The following PPA2 variants were observed in gnomAD, a reference collection of about 807,000 sequenced individuals.
PPA2 encodes inorganic pyrophosphatase 2, mitochondrial.
In PPA2, 48 loss-of-function variants were observed where a neutral mutation model predicts 49.5. That is an observed-to-expected ratio of 0.97 (90% confidence interval 0.77 to 1.23). The LOEUF is 1.23. Ranked by LOEUF, PPA2 falls within the 50% of genes most tolerant of loss-of-function variation. The probability of loss-of-function intolerance (pLI) is 0.00; values close to 1 mark genes in which losing one functional copy is unlikely to be tolerated. For missense variants in PPA2, 429 were observed against 410.1 expected, an observed-to-expected ratio of 1.05 and a Z score of -0.40; for synonymous variants, 131 against 139.9, an observed-to-expected ratio of 0.94 and a Z score of 0.45.
At chr4:105,425,239 T>A (rs544680022) in intron 6 of PPA2, among the ~76,000 whole-genome samples, 3 of 152,148 alleles carry the variant, frequency 2.0e-5, no homozygotes, top group African/African-American at 7.2e-5. Context: ...GGGAAAAAAT[T>A]AAAAATCATT....
At chr4:105,468,111 C>T (rs1453999659) in intron 1 of PPA2, among the ~76,000 whole-genome samples, 1 of 152,196 alleles carries the variant, frequency 6.6e-6, no homozygotes, top group Non-Finnish European at 1.5e-5. Context: ...TTTATTGGAA[C>T]ATAACCACAG....
intron 10 of PPA2, among the ~76,000 whole-genome samples, chr4:105,374,937 C>T (rs533704255): frequency 1.3e-5 from 2 of 151,372 alleles, no homozygotes; most frequent in African/African-American, 2.4e-5. Context: ...ATTGATCTAC[C>T]CGCCTCGGTC....
chr4:105,459,001 T>C (rs1349674658), intron 1 of PPA2, among the ~76,000 whole-genome samples: 1 of 152,146 alleles, frequency 6.6e-6, no homozygotes, highest in Non-Finnish European at 1.5e-5. Context: ...TTCTACTGGA[T>C]CTCTAGCATC....
intron 7 of PPA2, among the ~76,000 whole-genome samples, chr4:105,413,636 C>T (rs1722865643): frequency 6.6e-6 from 1 of 152,088 alleles, no homozygotes; most frequent in Non-Finnish European, 1.5e-5. Context: ...AAACAGACTC[C>T]TGTATAATGA....
chr4:105,405,097 GAATA>G (rs1722400262), intron 7 of PPA2: 6 of 498,306 alleles, frequency 1.2e-5, no homozygotes, highest in Non-Finnish European at 1.3e-5. Flanking sequence ...ATAAATAAAT[GAATA>G]AATAAATAAA....
intron 10 of PPA2, among the ~76,000 whole-genome samples, chr4:105,376,479 C>G (rs560439373): frequency 1.4e-4 from 21 of 152,196 alleles, no homozygotes; most frequent in Non-Finnish European, 2.9e-4. Flanking sequence ...ACTATCATCT[C>G]TGAGTCTTGT....
intron 1 of PPA2, among the ~76,000 whole-genome samples, chr4:105,469,365 T>G (rs1396911473): frequency 6.6e-6 from 1 of 152,232 alleles, no homozygotes; most frequent in Admixed American, 6.5e-5. Flanking sequence ...TATGTGATTC[T>G]TTCTCTCACA....
chr4:105,383,346 C>A (rs890266310), intron 10 of PPA2, among the ~76,000 whole-genome samples: 7 of 152,116 alleles, frequency 4.6e-5, no homozygotes, highest in African/African-American at 1.7e-4. Context: ...TATTTTGTTT[C>A]TAAGATGGTT....
chr4:105,471,110 T>A (rs1723505167), intron 1 of PPA2, among the ~76,000 whole-genome samples: 1 of 152,228 alleles, frequency 6.6e-6, no homozygotes, highest in Admixed American at 6.5e-5. Flanking sequence ...TATTAAACCA[T>A]GAAACCCTCT....
rs139771068 is a variant in PPA2 at position 105,380,838 on chromosome 4, GT to G, written c.939+5728del. 4.8e-3 allele frequency among the ~76,000 whole-genome samples: 725 copies of G among 152,180 alleles called. 5 individuals are homozygous for G. Among genetic ancestry groups the G allele is most frequent in the African/African-American group, 0.017 (690 of 41,560 alleles). The stretch of plus-strand genomic sequence containing the variant: ...CACCCAGTCTCTTATCAATAGACAT[GT>G]AATTCAGTTTCTAATTTTTCCATTT... On this transcript the variant is annotated intron_variant, in intron 10 of 11. Coordinates refer to ENST00000341695, the MANE Select transcript of PPA2 (RefSeq NM_176869.3).
intron 2 of PPA2, among the ~76,000 whole-genome samples, chr4:105,455,844 C>T (rs569637472): frequency 6.6e-6 from 1 of 152,304 alleles, no homozygotes; most frequent in Non-Finnish European, 1.5e-5. Flanking sequence ...CTAGAAAACC[C>T]AACCCCAAAT....
chr4:105,445,485 A>AT (rs35887455), intron 5 of PPA2, among the ~76,000 whole-genome samples: 54,279 of 151,486 alleles, frequency 0.36, 11,510 homozygotes, highest in East Asian at 0.67. Flanking sequence ...TTAGAAAACA[A>AT]TTTTTTTTTA....
chr4:105,407,072 C>T (rs1247784713), intron 7 of PPA2: 1 of 146,988 alleles, frequency 6.8e-6, no homozygotes, highest in Non-Finnish European at 1.5e-5. Flanking sequence ...CATGCAAATT[C>T]GTGAAGTGTT....
chr4:105,438,121 A>C, intron 5 of PPA2, 85 bp from the exon 6 acceptor site: 1 of 920,766 alleles, frequency 1.1e-6, no homozygotes, highest in East Asian at 2.7e-5. Flanking sequence ...ACAAAGTTTT[A>C]TAGATAACAA....
chr4:105,405,752 A>G lies in PPA2; in HGVS notation c.656-6588T>C, dbSNP rs1205194604. On this transcript the variant is annotated intron_variant, in intron 7 of 11. Coordinates refer to ENST00000341695, the MANE Select transcript of PPA2 (RefSeq NM_176869.3). The stretch of plus-strand genomic sequence containing the variant: ...TACCTTATAAACAGATTAACATCAA[A>G]AAGACTCAAAAACAAGATAAGTAAC... The G allele has an allele frequency of 1.0e-5, 7 of 669,104 alleles. No homozygotes were observed. The Admixed American group carries it at 1.9e-4, about 18-fold the overall frequency. 41.4% of individuals were successfully genotyped at this position (669,104 alleles called of 1,614,324 possible). A position where few individuals can be genotyped will look rare whatever the true frequency, so the allele number is the denominator to read the frequency against.
chr4:105,395,334 A>T (rs1734093874), intron 9 of PPA2, among the ~76,000 whole-genome samples: 1 of 142,540 alleles, frequency 7.0e-6, no homozygotes, highest in Non-Finnish European at 1.6e-5. Context: ...GTGCTCAGAG[A>T]GCACAGGGAC....
chr4:105,410,804 A>C (rs1001146608), intron 7 of PPA2, among the ~76,000 whole-genome samples: 1 of 152,180 alleles, frequency 6.6e-6, no homozygotes, highest in South Asian at 2.1e-4. Context: ...ATTTCATATC[A>C]AGCCAAACTA....
chr4:105,459,757 T>C (rs1008874162), intron 1 of PPA2, among the ~76,000 whole-genome samples: 4 of 152,250 alleles, frequency 2.6e-5, no homozygotes, highest in Admixed American at 2.0e-4. Context: ...GAATGCACTA[T>C]TGATACACAC....
chr4:105,424,414 G>C, intron 6 of PPA2, 92 bp from the exon 7 acceptor site: 1 of 1,144,008 alleles, frequency 8.7e-7, no homozygotes. Flanking sequence ...AAGAACTACA[G>C]ACTGAAATGT....
Sources: gnomAD v4.1 joint callset for allele counts (sites outside exome capture counted in the v4.1 genomes callset) on GRCh38, gnomAD v4.1.1 for gene constraint, MANE v1.5 for transcripts, NCBI Gene and HGNC (gene_info 2026-07-23, HGNC 2026-07-21) for gene names.